The following XPR1 variants were observed in gnomAD, a reference collection of about 807,000 sequenced individuals.
The protein encoded by XPR1 is solute carrier family 53 member 1.
XPR1 carries 28 observed loss-of-function variants against 87.5 expected under a neutral mutation model. The ratio of observed to expected loss-of-function variants is 0.32; its 90% CI spans 0.24 to 0.44. The LOEUF (loss-of-function observed/expected upper bound fraction) is 0.44. Ranked by LOEUF, XPR1 falls within the 20% of genes least tolerant of loss-of-function variation. XPR1 has a pLI of 1.00. For synonymous variants in XPR1, 300 were observed against 306.1 expected (o/e 0.98, Z 0.21); for missense variants, 559 against 862.3 (o/e 0.65, Z 4.41).
chr1:180,804,160 A>G (rs920085344), intron 4 of XPR1, among the ~76,000 whole-genome samples: 2 of 151,824 alleles, frequency 1.3e-5, no homozygotes, highest in African/African-American at 4.8e-5. Context: ...TAATTTTTGT[A>G]TTTTTAGTAG....
intron 1 of XPR1, among the ~76,000 whole-genome samples, chr1:180,635,107 G>A (rs1169711209): frequency 6.6e-6 from 1 of 152,002 alleles, no homozygotes; most frequent in African/African-American, 2.4e-5. Flanking sequence ...TTAAAAATAA[G>A]TTGTGGTGTT....
chr1:180,640,007 G>A (rs1654915495), intron 1 of XPR1, among the ~76,000 whole-genome samples: 1 of 152,142 alleles, frequency 6.6e-6, no homozygotes, highest in Admixed American at 6.5e-5. Context: ...TAAGGAGAAA[G>A]GAATTAACAT....
chr1:180,688,677 A>G (rs1365658421), intron 2 of XPR1, among the ~76,000 whole-genome samples: 1 of 152,206 alleles, frequency 6.6e-6, no homozygotes, highest in Non-Finnish European at 1.5e-5. Context: ...TAGGTTAAGT[A>G]TAACAATTCT....
intron 4 of XPR1, among the ~76,000 whole-genome samples, chr1:180,804,950 C>A (rs1649935983): frequency 1.3e-5 from 2 of 152,050 alleles, no homozygotes; most frequent in Admixed American, 1.3e-4. Context: ...ATGGAAAAAT[C>A]TTTGTTAAAT....
rs116435919 is a variant in XPR1 at position 180,698,216 on chromosome 1, G to C, written c.121+15805G>C. On this transcript the variant is annotated intron_variant, in intron 2 of 14. Transcript: ENST00000367590. ...TTCTTTGTCTCATTTTACAGTTTTT[G>C]ACTTAAAGTTTGTTTTATCTGATAA... Among the ~76,000 whole-genome samples the C allele has an allele frequency of 7.8e-3, 1,182 of 151,984 alleles. 17 individuals are homozygous for C. The highest frequency in any genetic ancestry group is 0.027 in the African/African-American group (1,129 of 41,444).
At chr1:180,763,553 T>G (rs2102056027) in intron 2 of XPR1, among the ~76,000 whole-genome samples, 1 of 152,298 alleles carries the variant, frequency 6.6e-6, no homozygotes, top group African/African-American at 2.4e-5. Context: ...AGTGGTGAAA[T>G]AAATGTTTCT....
At chr1:180,763,019 G>A (rs1228343958) in intron 2 of XPR1, among the ~76,000 whole-genome samples, 1 of 152,110 alleles carries the variant, frequency 6.6e-6, no homozygotes, top group African/African-American at 2.4e-5. Context: ...CTGGGAAGCT[G>A]GACTGTATGA....
intron 1 of XPR1, among the ~76,000 whole-genome samples, chr1:180,640,134 G>T (rs1654918271): frequency 6.6e-6 from 1 of 152,218 alleles, no homozygotes; most frequent in South Asian, 2.1e-4. Context: ...GGAAACCCAG[G>T]CTTAGAGAGA....
chr1:180,825,182 G>T lies in XPR1; in HGVS notation c.972G>T (p.Gly324=), dbSNP rs780020976. The T allele has an allele frequency of 6.2e-6, 10 of 1,611,120 alleles. No individual in the cohort carries two copies. Among genetic ancestry groups the T allele is most frequent in the Admixed American group, 1.7e-5 (1 of 59,512 alleles). ...TTTACTAGATTGCTGGATTCCTCGG[G>T]ATATTGTGGTGCCTGAGCCTTCTGG... The part of the protein sequence containing the change: ...QHLFEIAGFL[G]ILWCLSLLAC... Residue 324 remains glycine, a synonymous_variant, in exon 9 of 15, where the codon GGG becomes GGT. Transcript: ENST00000367590.
rs1045454637 is a variant in XPR1, at chr1:180,681,502, C to T, written c.70-858C>T. Among the ~76,000 whole-genome samples the T allele has an allele frequency of 4.6e-5, 7 of 152,146 alleles. 1 individual carries two copies. In the East Asian group the frequency reaches 5.8e-4, roughly 13 times the overall value. ...CTACTAAGAAATACAAAAAATTAGC[C>T]GAGCGTGGTGGCGGGCGCCTGTAGT... is the stretch of plus-strand genomic sequence containing the variant. On this transcript the variant is annotated intron_variant, in intron 1 of 14. Transcript: ENST00000367590.
chr1:180,796,150 G>A (rs1483738012), intron 3 of XPR1, among the ~76,000 whole-genome samples: 1 of 151,994 alleles, frequency 6.6e-6, no homozygotes, highest in Non-Finnish European at 1.5e-5. Flanking sequence ...TTTCATCATA[G>A]ATCAAAGTAT....
intron 1 of XPR1, among the ~76,000 whole-genome samples, chr1:180,637,042 C>A (rs2101891539): frequency 1.1e-5 from 1 of 93,184 alleles, no homozygotes; most frequent in South Asian, 4.1e-4. Flanking sequence ...CAGAGTAAGA[C>A]TTCATCTCAA....
intron 2 of XPR1, among the ~76,000 whole-genome samples, chr1:180,753,531 G>A (rs1647613172): frequency 6.6e-6 from 1 of 151,424 alleles, no homozygotes; most frequent in Non-Finnish European, 1.5e-5. Flanking sequence ...TCCAGCTTGG[G>A]CAACAGAGTC....
At chr1:180,827,857 AC>A (rs1192132033) in intron 9 of XPR1, among the ~76,000 whole-genome samples, 1 of 147,070 alleles carries the variant, frequency 6.8e-6, no homozygotes, top group Non-Finnish European at 1.5e-5. Context: ...AAGTAAAAGT[AC>A]ATTTCTTTCT....
At chr1:180,773,358 A>G (rs2102068604) in intron 2 of XPR1, among the ~76,000 whole-genome samples, 1 of 152,324 alleles carries the variant, frequency 6.6e-6, no homozygotes, top group Middle Eastern at 3.4e-3. Flanking sequence ...ATAGGTTGAG[A>G]TATCAGATGA....
chr1:180,822,689 A>AG (rs1320637454), intron 7 of XPR1, among the ~76,000 whole-genome samples: 1 of 152,232 alleles, frequency 6.6e-6, no homozygotes, highest in Admixed American at 6.5e-5. Flanking sequence ...ACGTTATTCT[A>AG]GGCATTTGAT....
At chr1:180,741,321 G>C (rs923385272) in intron 2 of XPR1, among the ~76,000 whole-genome samples, 5 of 151,660 alleles carry the variant, frequency 3.3e-5, no homozygotes, top group African/African-American at 1.2e-4. Context: ...CTGCCACCAC[G>C]CCGAGCTAAT....
chr1:180,843,944 A>G (rs1188390916), intron 11 of XPR1, among the ~76,000 whole-genome samples: 1 of 152,126 alleles, frequency 6.6e-6, no homozygotes, highest in Non-Finnish European at 1.5e-5. Context: ...CGGGCACAGT[A>G]GCTCACACCT....
rs201337421 is a variant in XPR1, at chr1:180,879,555, AT to A, written c.1809-516del. Among the ~76,000 whole-genome samples, 1,432 of 152,144 alleles carry A rather than the reference AT, an allele frequency of 9.4e-3. 22 individuals are homozygous for A. Among genetic ancestry groups the A allele is most frequent in the African/African-American group, 0.032 (1,312 of 41,516 alleles). ...TCTGCCTGGGATGCTTTCCTCCAGG[AT>A]TTTTACATGACTTGCTTCTTTGTAT... is the stretch of plus-strand genomic sequence containing the variant. On this transcript the variant is annotated intron_variant, in intron 13 of 14. Transcript: ENST00000367590.
Sources: gnomAD v4.1 joint callset for allele counts (sites outside exome capture counted in the v4.1 genomes callset) on GRCh38, gnomAD v4.1.1 for gene constraint, MANE v1.5 for transcripts, NCBI Gene and HGNC (gene_info 2026-07-23, HGNC 2026-07-21) for gene names.